Variants in TLE2 observed in about 807,000 individuals in gnomAD.
TLE2 encodes the protein transducin-like enhancer protein 2.
A neutral mutation model predicts 97.2 loss-of-function variants in TLE2; 74 were observed. The observed-to-expected ratio is 0.76, with a 90% CI of 0.63 to 0.92. TLE2 has a LOEUF of 0.92. Ranked by LOEUF, TLE2 falls within the 40% of genes least tolerant of loss-of-function variation. The pLI is 0.00. For missense variants in TLE2, 1,038 were observed against 1,008.7 expected (o/e 1.03, Z -0.39); for synonymous variants, 499 against 432.1 (o/e 1.15, Z -1.92).
At chr19:3,032,671 C>T (rs547105281), upstream of TLE2, among the ~76,000 whole-genome samples, 1 of 152,114 alleles carries the variant, frequency 6.6e-6, no homozygotes, top group African/African-American at 2.4e-5. The surrounding 1 kb of genome is among the most constrained non-coding windows in gnomAD (Gnocchi z 4.1). Flanking sequence ...ACAGTAAGTG[C>T]TCAATAACCA....
chr19:3,019,820 C>T lies in TLE2; in HGVS notation c.295-47G>A. The T allele has an allele frequency of 1.3e-6, 2 of 1,584,614 alleles. No homozygotes were observed. The highest frequency in any genetic ancestry group is 1.7e-6 in the Non-Finnish European group (2 of 1,167,072). ...GTAGAGGGTACATTGAGCCCCTGCTCATGCTAGCGGTGCCCTTGGGGACCT... is the reference window on the plus strand; with the variant it reads ...GTAGAGGGTACATTGAGCCCCTGCTTATGCTAGCGGTGCCCTTGGGGACCT... On this transcript the variant is annotated intron_variant, in intron 5 of 19. Coordinates refer to ENST00000262953, the MANE Select transcript of TLE2 (RefSeq NM_003260.5). The surrounding 1 kb of genome is among the most constrained non-coding windows in gnomAD (Gnocchi z 5.1).
At position 3,019,833 on chromosome 19, in the gene TLE2, C is replaced by A. The variant is rs2089801187; in HGVS notation, c.295-60G>T. The A allele has an allele frequency of 1.3e-6, 2 of 1,560,032 alleles. No individual in the cohort carries two copies. Among genetic ancestry groups the A allele is most frequent in the Admixed American group, 1.9e-5 (1 of 52,984 alleles). On this transcript the variant is annotated intron_variant, in intron 5 of 19. Coordinates refer to ENST00000262953, the MANE Select transcript of TLE2 (RefSeq NM_003260.5). The surrounding 1 kb of genome is among the most constrained non-coding windows in gnomAD (Gnocchi z 5.1). ...TGAGCCCCTGCTCATGCTAGCGGTG[C>A]CCTTGGGGACCTGACCTCTCCCCGC...
At chr19:3,025,143 A>T (rs750181896) in intron 4 of TLE2, 61 bp from the exon 5 acceptor site, 19 of 1,482,380 alleles carry the variant, frequency 1.3e-5, no homozygotes, top group Admixed American at 2.1e-5. Flanking sequence ...CCAGCTCTGG[A>T]CTCCCAGGCG....
Position 3,006,604 on chromosome 19 carries a change from A to G in TLE2, c.1316T>C (p.Leu439Pro), listed in dbSNP as rs1392990284. 7 of 1,610,210 alleles carry G rather than the reference A, an allele frequency of 4.3e-6. No homozygotes were observed. The highest frequency in any genetic ancestry group is 5.9e-6 in the Non-Finnish European group (7 of 1,178,520). The change falls in exon 15 of 20, where the codon CTG (leucine) becomes CCG (proline). Residue 439 changes from leucine (L) to proline (P), a missense_variant. Transcript: ENST00000262953. Reference protein sequence around the residue: ...MQPVPFPSDALVGAGIPRHAR... With the variant: ...MQPVPFPSDAPVGAGIPRHAR... ...GTGCCGCGGGATGCCCGCGCCTACC[A>G]GTGCATCCGAGGGGAAGGGAACCGG...
intron 8 of TLE2, among the ~76,000 whole-genome samples, chr19:3,017,512 A>T (rs978149374): frequency 7.1e-6 from 1 of 140,764 alleles, no homozygotes; most frequent in African/African-American, 2.7e-5. Flanking sequence ...GTGCAGTGGC[A>T]CGATCACAGC....
At position 3,019,244 on chromosome 19, in the gene TLE2, CGTCT is replaced by C. The variant is rs767101234; in HGVS notation, c.550+35_550+38del. On this transcript the variant is annotated intron_variant, in intron 7 of 19. Coordinates refer to ENST00000262953, the MANE Select transcript of TLE2 (RefSeq NM_003260.5). The surrounding 1 kb of genome is among the most constrained non-coding windows in gnomAD (Gnocchi z 5.1). Reference sequence around the variant, plus strand: ...GACTGCCAGTCGTCCTCCCCAGCCCCGTCTCCCCAGCCAATGCCACCCCGTGCTG... The same window carrying C: ...GACTGCCAGTCGTCCTCCCCAGCCCCCCCCAGCCAATGCCACCCCGTGCTG... 10 of 1,550,062 alleles carry C rather than the reference CGTCT, an allele frequency of 6.5e-6. No individual in the cohort carries two copies. Among genetic ancestry groups the C allele is most frequent in the Non-Finnish European group, 8.7e-6 (10 of 1,155,586 alleles).
chr19:3,030,665 T>C (rs867036767), upstream of TLE2, among the ~76,000 whole-genome samples: 27 of 152,238 alleles, frequency 1.8e-4, no homozygotes, highest in Admixed American at 5.9e-4. Context: ...GGGTCATGCC[T>C]GTAGCTCCAG....
Position 3,009,549 on chromosome 19 carries a change from G to C in TLE2, c.1166C>G (p.Ser389Cys). ...QVSSSVVYGR[S>C]PVMAFESHPH... ...CCCCACCCAAGGACTCACCACGGGG[G>C]AGCGTCCGTACACCACAGAGCTGCT... The change falls in exon 13 of 20, where the codon TCC (serine) becomes TGC (cysteine). Residue 389 changes from serine (S) to cysteine (C), a missense_variant. By Grantham distance (112) the Ser-to-Cys change is moderately radical (BLOSUM62 -1). Coordinates refer to ENST00000262953, the MANE Select transcript of TLE2 (RefSeq NM_003260.5). 6.2e-7 allele frequency: 1 copy of C among 1,606,532 alleles called. No homozygotes were observed. Among genetic ancestry groups the C allele is most frequent in the Non-Finnish European group, 8.5e-7 (1 of 1,176,534 alleles).
chr19:2,999,702 G>A (rs1185273803), intron 19 of TLE2, among the ~76,000 whole-genome samples: 6 of 147,096 alleles, frequency 4.1e-5, no homozygotes, highest in Non-Finnish European at 5.9e-5. Flanking sequence ...ACTCCAGCCT[G>A]GGTGACAGAG....
Position 3,009,565 on chromosome 19 carries a change from C to G in TLE2, c.1150G>C (p.Val384Leu). The change falls in exon 13 of 20, where the codon GTG becomes CTG. Residue 384 changes from valine to leucine, a missense_variant. By Grantham distance (32) the Val-to-Leu change is conservative (BLOSUM62 1). Transcript: ENST00000262953. ...ACCACGGGGGAGCGTCCGTACACCACAGAGCTGCTGACCTGGGGGGACAGG... is the reference window on the plus strand; with the variant it reads ...ACCACGGGGGAGCGTCCGTACACCAGAGAGCTGCTGACCTGGGGGGACAGG... ...LHLSPQVSSS[V>L]VYGRSPVMAF... 6.2e-7 allele frequency: 1 copy of G among 1,613,092 alleles called. No homozygotes were observed. The highest frequency in any genetic ancestry group is 8.5e-7 in the Non-Finnish European group (1 of 1,179,578).
At chr19:3,025,589 C>T (rs775082874) in intron 4 of TLE2, 50 of 985,404 alleles carry the variant, frequency 5.1e-5, no homozygotes, top group Non-Finnish European at 5.7e-5. Context: ...GATCTCAGCA[C>T]GCCACACTCA....
chr19:3,002,322 A>G, intron 18 of TLE2, 31 bp downstream of exon 18: 1 of 1,574,936 alleles, frequency 6.3e-7, no homozygotes, highest in Middle Eastern at 2.0e-4. Context: ...TGGGGTTTTG[A>G]GGGCGTGCCA....
intron 5 of TLE2, chr19:3,020,510 G>T (rs1301451149): frequency 1.3e-5 from 2 of 151,574 alleles, no homozygotes; most frequent in Non-Finnish European, 2.9e-5. Flanking sequence ...GGAACAGAAA[G>T]TACCAGACTC....
rs748886432 is a variant in TLE2, at chr19:3,009,544, C to T, written c.1171G>A (p.Val391Met). ...TGCGCCCCCACCCAAGGACTCACCA[C>T]GGGGGAGCGTCCGTACACCACAGAG... ...SSSVVYGRSP[V>M]MAFESHPHLR... is the part of the protein sequence containing the mutation. Residue 391 changes from valine to methionine, a missense_variant and splice_region_variant, in exon 13 of 20, where the codon GTG becomes ATG. Val to Met is a conservative substitution (Grantham distance 21, BLOSUM62 1). Coordinates refer to ENST00000262953, the MANE Select transcript of TLE2 (RefSeq NM_003260.5). 25 of 1,605,240 alleles carry T rather than the reference C, an allele frequency of 1.6e-5. No individual in the cohort carries two copies. Among genetic ancestry groups the T allele is most frequent in the African/African-American group, 5.3e-5 (4 of 74,778 alleles).
At chr19:3,033,228 T>C (rs1271885826), upstream of TLE2, among the ~76,000 whole-genome samples, 2 of 151,804 alleles carry the variant, frequency 1.3e-5, no homozygotes, top group Non-Finnish European at 2.9e-5. Flanking sequence ...AGTGCAGTGG[T>C]GCCATCTCAG....
At chr19:3,015,109 C>A (rs2089675419) in intron 9 of TLE2, among the ~76,000 whole-genome samples, 1 of 148,548 alleles carries the variant, frequency 6.7e-6, no homozygotes, top group Non-Finnish European at 1.5e-5. Context: ...TAAGGCTTCT[C>A]TGAGAAACAG....
upstream of TLE2, among the ~76,000 whole-genome samples, chr19:3,033,630 C>T (rs2145223261): frequency 6.6e-6 from 1 of 152,286 alleles, no homozygotes; most frequent in East Asian, 1.9e-4. Context: ...GCCCCTGGCT[C>T]TGGAAACCCA....
chr19:3,022,046 A>G (rs1329257473), intron 5 of TLE2, among the ~76,000 whole-genome samples: 13 of 151,596 alleles, frequency 8.6e-5, no homozygotes, highest in Admixed American at 7.2e-4. Context: ...TCTCTGTTAC[A>G]TTATACATAT....
chr19:3,042,849 C>T (rs1009569090), intron 1 of TLE2, among the ~76,000 whole-genome samples: 5 of 151,918 alleles, frequency 3.3e-5, no homozygotes, highest in African/African-American at 7.3e-5. Context: ...TTTTTTTTAA[C>T]GGCAGTGGGG....
Sources: allele counts gnomAD v4.1 joint callset (sites outside exome capture counted in the v4.1 genomes callset), GRCh38; gene constraint gnomAD v4.1.1; non-coding constraint Gnocchi (gnomAD v3.1); transcripts MANE v1.5; gene names NCBI Gene and HGNC (gene_info 2026-07-23, HGNC 2026-07-21).